Variants in SAMMSON observed in about 807,000 individuals in gnomAD.
SAMMSON encodes the protein long intergenic non-protein coding RNA 1212.
At chr3:70,312,363 A>G (rs1441537138) in intron 7 of SAMMSON, among the ~76,000 whole-genome samples, 1 of 152,246 alleles carries the variant, frequency 6.6e-6, no homozygotes. Context: ...ACAAATAACA[A>G]TAAAACACAA....
At chr3:70,100,077 C>T (rs917860106) in intron 4 of SAMMSON, among the ~76,000 whole-genome samples, 1 of 152,132 alleles carries the variant, frequency 6.6e-6, no homozygotes, top group African/African-American at 2.4e-5. Context: ...GCTACAGAGT[C>T]CAGGTCCTAT....
At chr3:70,019,160 G>A (rs182472153) in intron 3 of SAMMSON, among the ~76,000 whole-genome samples, 3 of 152,056 alleles carry the variant, frequency 2.0e-5, no homozygotes, top group Non-Finnish European at 4.4e-5. Context: ...TCTCGTTGAT[G>A]TGTCTAATGT....
chr3:70,293,186 A>G (rs933976685), intron 7 of SAMMSON, among the ~76,000 whole-genome samples: 5 of 151,992 alleles, frequency 3.3e-5, no homozygotes, highest in African/African-American at 1.2e-4. Context: ...ATTCCTTAAT[A>G]CTTTCTGTCA....
chr3:70,275,770 T>G (rs534710122), intron 6 of SAMMSON, among the ~76,000 whole-genome samples: 96 of 152,328 alleles, frequency 6.3e-4, no homozygotes, highest in African/African-American at 2.2e-3. Context: ...TTCAGAAGTT[T>G]ATAGCATATA....
chr3:70,337,334 C>G (rs1041725703), intron 7 of SAMMSON, among the ~76,000 whole-genome samples: 21 of 151,270 alleles, frequency 1.4e-4, no homozygotes, highest in African/African-American at 5.1e-4. Flanking sequence ...GAACCATACA[C>G]AGAGTACCAG....
At chr3:70,207,807 G>C (rs770474975) in intron 4 of SAMMSON, among the ~76,000 whole-genome samples, 3 of 152,002 alleles carry the variant, frequency 2.0e-5, no homozygotes, top group African/African-American at 4.8e-5. Flanking sequence ...TTTTATATTA[G>C]AGACCTGAGC....
At chr3:70,035,947 G>T (rs1428608560) in intron 3 of SAMMSON, among the ~76,000 whole-genome samples, 2 of 152,142 alleles carry the variant, frequency 1.3e-5, no homozygotes, top group Non-Finnish European at 2.9e-5. Flanking sequence ...TAGAAAGTGG[G>T]AGGATATTGG....
intron 4 of SAMMSON, among the ~76,000 whole-genome samples, chr3:70,200,108 T>C (rs1252667688): frequency 6.6e-6 from 1 of 152,126 alleles, no homozygotes; most frequent in Non-Finnish European, 1.5e-5. Context: ...TGTTTCCACC[T>C]CAAATTCGTA....
At chr3:70,337,018 A>G (rs541290879) in intron 7 of SAMMSON, among the ~76,000 whole-genome samples, 34 of 142,172 alleles carry the variant, frequency 2.4e-4, no homozygotes, top group African/African-American at 8.4e-4. Context: ...ACTTAATATT[A>G]TTATTATTAA....
intron 4 of SAMMSON, among the ~76,000 whole-genome samples, chr3:70,178,570 G>T (rs1429416949): frequency 6.6e-6 from 1 of 152,178 alleles, no homozygotes; most frequent in Non-Finnish European, 1.5e-5. Flanking sequence ...CTGGGGCATG[G>T]CACTATGAAG....
At chr3:70,287,378 T>C (rs1409025071) in intron 6 of SAMMSON, among the ~76,000 whole-genome samples, 2 of 151,074 alleles carry the variant, frequency 1.3e-5, no homozygotes. Context: ...TTGCATATAT[T>C]GAACCAGCCT....
At chr3:70,153,248 C>T (rs2067578871) in intron 4 of SAMMSON, among the ~76,000 whole-genome samples, 1 of 151,798 alleles carries the variant, frequency 6.6e-6, no homozygotes, top group South Asian at 2.1e-4. Context: ...AAGTCAAGAG[C>T]GGTCTCTAAT....
intron 3 of SAMMSON, among the ~76,000 whole-genome samples, chr3:70,032,748 T>C (rs2067070733): frequency 6.6e-6 from 1 of 152,124 alleles, no homozygotes; most frequent in Non-Finnish European, 1.5e-5. Flanking sequence ...CAGGGTGTGT[T>C]CCTCAAGAGT....
intron 4 of SAMMSON, among the ~76,000 whole-genome samples, chr3:70,129,193 AAGTGGTCAAACT>A (rs1263966373): frequency 6.6e-6 from 1 of 152,192 alleles, no homozygotes; most frequent in Non-Finnish European, 1.5e-5. Context: ...TAAGCTTTCC[AAGTGGTCAAACT>A]AGTGTGGTTG....
In SAMMSON at chr3:70,067,145, C is replaced by G. The variant is rs1576113305; in HGVS notation, n.418-4331C>G. On this transcript the variant is annotated intron_variant and non_coding_transcript_variant, in intron 3 of 9. Transcript: ENST00000642114. ...AACCAGAACTGAACAAACAAACAAA[C>G]AAAAAAACCAAGGCAAACAAAACTT... Among the ~76,000 whole-genome samples, 3 of 151,890 alleles carry G rather than the reference C, an allele frequency of 2.0e-5. No homozygotes were observed. In the South Asian group the frequency reaches 6.2e-4, roughly 32 times the overall value.
At chr3:70,093,392 C>T (rs1294350193) in intron 4 of SAMMSON, among the ~76,000 whole-genome samples, 2 of 152,162 alleles carry the variant, frequency 1.3e-5, no homozygotes, top group African/African-American at 4.8e-5. Context: ...GCTGTTAAGA[C>T]TCTTGAGGAT....
At chr3:70,370,416 G>T (rs1411123033) in intron 9 of SAMMSON, among the ~76,000 whole-genome samples, 1 of 151,832 alleles carries the variant, frequency 6.6e-6, no homozygotes. Flanking sequence ...CTAATTTTCA[G>T]TCCCATCAAC....
chr3:70,007,294 T>A (rs1370320965), intron 1 of SAMMSON, among the ~76,000 whole-genome samples: 1 of 152,152 alleles, frequency 6.6e-6, no homozygotes, highest in East Asian at 1.9e-4. Context: ...TTTCTCCACA[T>A]CCTCTCCAGC....
chr3:70,265,490 C>T (rs1430306678), intron 6 of SAMMSON, among the ~76,000 whole-genome samples: 1 of 141,508 alleles, frequency 7.1e-6, no homozygotes, highest in Admixed American at 6.9e-5. Context: ...TACCTCCATA[C>T]TCCCTGCACA....
Sources: allele counts gnomAD v4.1 joint callset (sites outside exome capture counted in the v4.1 genomes callset), GRCh38; gene constraint gnomAD v4.1.1; transcripts MANE v1.5; gene names NCBI Gene and HGNC (gene_info 2026-07-23, HGNC 2026-07-21).